NRXN3: variants seen among roughly 807,000 people sequenced by gnomAD.
The protein encoded by NRXN3 is neurexin III.
In NRXN3, 32 loss-of-function variants were observed where a neutral mutation model predicts 137.6. The ratio of observed to expected loss-of-function variants is 0.23; its 90% CI spans 0.18 to 0.31. The LOEUF is 0.31. Ranked by LOEUF, NRXN3 falls within the 10% of genes least tolerant of loss-of-function variation. The pLI is 1.00. For missense variants in NRXN3, 1,574 were observed against 2,062.5 expected (o/e 0.76, Z 4.59); for synonymous variants, 798 against 784.5 (o/e 1.02, Z -0.29).
chr14:79,854,203 G>C (rs1396606790), intron 20 of NRXN3: 17 of 959,848 alleles, frequency 1.8e-5, no homozygotes, highest in Non-Finnish European at 2.1e-5. Flanking sequence ...AAAAACATGC[G>C]GGCAATTTGT....
chr14:79,002,944 C>G (rs10150043), intron 15 of NRXN3, among the ~76,000 whole-genome samples: 7,264 of 152,146 alleles, frequency 0.048, 629 homozygotes, highest in African/African-American at 0.17. Flanking sequence ...GACCTACTAC[C>G]TTTACTTAAA....
chr14:79,388,612 C>T (rs540524115), intron 15 of NRXN3, among the ~76,000 whole-genome samples: 1 of 152,194 alleles, frequency 6.6e-6, no homozygotes, highest in Non-Finnish European at 1.5e-5. Context: ...CAGCCCTCGA[C>T]TCATGCTAGA....
At chr14:78,906,946 C>G (rs2099219145) in intron 10 of NRXN3, among the ~76,000 whole-genome samples, 1 of 151,838 alleles carries the variant, frequency 6.6e-6, no homozygotes, top group African/African-American at 2.4e-5. Context: ...CTGCAGCCAA[C>G]AGAATATGGT....
intron 10 of NRXN3, among the ~76,000 whole-genome samples, chr14:78,860,708 A>G: frequency 6.6e-6 from 1 of 152,168 alleles, no homozygotes; most frequent in Admixed American, 6.6e-5. Flanking sequence ...AAATGTTATT[A>G]AGAAAGAGAA....
At chr14:79,764,933 A>AT (rs917712848) in intron 19 of NRXN3, among the ~76,000 whole-genome samples, 4 of 152,078 alleles carry the variant, frequency 2.6e-5, no homozygotes, top group South Asian at 2.1e-4. Context: ...CCATTAGACT[A>AT]TTTTTTTCTC....
chr14:78,312,853 C>T (rs1438452891), intron 4 of NRXN3, among the ~76,000 whole-genome samples: 1 of 152,132 alleles, frequency 6.6e-6, no homozygotes, highest in Non-Finnish European at 1.5e-5. Context: ...AATGCATGAG[C>T]ACTAAGCTTT....
chr14:79,668,533 T>C (rs2098583462), intron 17 of NRXN3, among the ~76,000 whole-genome samples: 2 of 152,118 alleles, frequency 1.3e-5, no homozygotes, highest in Non-Finnish European at 2.9e-5. Context: ...CCTCAAACTT[T>C]CTGCTCACTT....
At chr14:78,913,040 C>T (rs1201629939) in intron 10 of NRXN3, among the ~76,000 whole-genome samples, 1 of 151,920 alleles carries the variant, frequency 6.6e-6, no homozygotes, top group African/African-American at 2.4e-5. Context: ...TATGATCTCT[C>T]CTTCAATAGA....
chr14:79,792,799 G>A (rs1023272375), intron 19 of NRXN3, among the ~76,000 whole-genome samples: 1 of 152,178 alleles, frequency 6.6e-6, no homozygotes, highest in Non-Finnish European at 1.5e-5. Context: ...GCCAATGCGA[G>A]CAAAGGTTCT....
In NRXN3 at chr14:79,729,395, T is replaced by C. The variant is rs369806115; in HGVS notation, c.4014+31458T>C. On this transcript the variant is annotated intron_variant, in intron 19 of 20. Transcript: ENST00000335750. ...GCTTATATCCTATTAAGGCCACACC[T>C]GTCTGCAAAACAGGTGGGATCCATG... Among the ~76,000 whole-genome samples the C allele has an allele frequency of 1.4e-3, 207 of 152,312 alleles. 1 individual carries two copies. Among genetic ancestry groups the C allele is most frequent in the African/African-American group, 4.3e-3 (178 of 41,582 alleles).
chr14:79,504,164 C>G (rs1389446306), intron 16 of NRXN3, among the ~76,000 whole-genome samples: 3 of 152,132 alleles, frequency 2.0e-5, no homozygotes, highest in Non-Finnish European at 4.4e-5. Flanking sequence ...GAACTGGCTT[C>G]CCTATTAGAT....
intron 15 of NRXN3, among the ~76,000 whole-genome samples, chr14:79,223,654 T>A (rs1282203197): frequency 1.3e-5 from 2 of 152,142 alleles, no homozygotes; most frequent in Non-Finnish European, 2.9e-5. Context: ...ATTGAGATCA[T>A]GGAAATAAAT....
intron 16 of NRXN3, among the ~76,000 whole-genome samples, chr14:79,624,060 A>G (rs1215255455): frequency 6.6e-6 from 1 of 152,096 alleles, no homozygotes; most frequent in Non-Finnish European, 1.5e-5. Context: ...AAAGATAAAG[A>G]CTGCCTTTGG....
At chr14:78,189,834 G>A (rs1299762848) in intron 1 of NRXN3, among the ~76,000 whole-genome samples, 1 of 152,062 alleles carries the variant, frequency 6.6e-6, no homozygotes, top group African/African-American at 2.4e-5. Context: ...GATCCATCCT[G>A]GCCATTTCAT....
At chr14:78,989,043 A>G (rs925309448) in intron 15 of NRXN3, among the ~76,000 whole-genome samples, 2 of 152,198 alleles carry the variant, frequency 1.3e-5, no homozygotes, top group African/African-American at 2.4e-5. Context: ...CATAGTAAAG[A>G]TGAGCACACA....
chr14:78,660,650 G>A (rs2097831711), intron 6 of NRXN3, among the ~76,000 whole-genome samples: 1 of 152,194 alleles, frequency 6.6e-6, no homozygotes, highest in African/African-American at 2.4e-5. Context: ...GAAAATCAGA[G>A]CCAAAAGATG....
intron 6 of NRXN3, among the ~76,000 whole-genome samples, chr14:78,682,684 C>T (rs376144697): frequency 5.3e-5 from 8 of 150,214 alleles, no homozygotes; most frequent in African/African-American, 1.5e-4. Flanking sequence ...AGATACTACA[C>T]TGTCATTGTG....
intron 10 of NRXN3, among the ~76,000 whole-genome samples, chr14:78,813,692 T>A (rs2098922216): frequency 6.6e-6 from 1 of 152,140 alleles, no homozygotes; most frequent in South Asian, 2.1e-4. Context: ...TATAAAATGT[T>A]GTTTGTTCTG....
intron 4 of NRXN3, among the ~76,000 whole-genome samples, chr14:78,330,329 C>T (rs1051478490): frequency 6.6e-6 from 1 of 152,074 alleles, no homozygotes; most frequent in African/African-American, 2.4e-5. Context: ...AAACTCTGCA[C>T]TCCCACCCCC....
Sources: gnomAD v4.1 joint callset for allele counts (sites outside exome capture counted in the v4.1 genomes callset) on GRCh38, gnomAD v4.1.1 for gene constraint, MANE v1.5 for transcripts, NCBI Gene and HGNC (gene_info 2026-07-23, HGNC 2026-07-21) for gene names.